LEPR: variants seen among roughly 807,000 people sequenced by gnomAD.
LEPR encodes the protein OB receptor.
LEPR carries 56 observed loss-of-function variants against 114.7 expected under a neutral mutation model. The ratio of observed to expected loss-of-function variants is 0.49; its 90% CI spans 0.39 to 0.61. The LOEUF (loss-of-function observed/expected upper bound fraction) is 0.61. LEPR is among the 20% of genes least tolerant of loss of function. The pLI is 0.00. For synonymous variants in LEPR, 443 were observed against 461.4 expected (o/e 0.96, Z 0.51); for missense variants, 1,202 against 1,352.9 (o/e 0.89, Z 1.75).
chr1:65,434,424 A>G (rs1483138472), intron 2 of LEPR: 2 of 985,294 alleles, frequency 2.0e-6, no homozygotes, highest in Non-Finnish European at 2.4e-6. Context: ...AAATAATCTT[A>G]TGAAGGGATT....
intron 19 of LEPR, among the ~76,000 whole-genome samples, chr1:65,632,842 C>T (rs1255599504): frequency 2.0e-5 from 3 of 151,874 alleles, no homozygotes; most frequent in Non-Finnish European, 4.4e-5. Flanking sequence ...GGTTCTCCCT[C>T]TTTAAATTTT....
chr1:65,468,528 C>A (rs1647043696), intron 2 of LEPR, among the ~76,000 whole-genome samples: 1 of 152,046 alleles, frequency 6.6e-6, no homozygotes, highest in Non-Finnish European at 1.5e-5. Context: ...GTTTTGTAAC[C>A]TTGGAAAAAA....
chr1:65,474,489 A>C (rs918344973), intron 2 of LEPR, among the ~76,000 whole-genome samples: 4 of 152,242 alleles, frequency 2.6e-5, no homozygotes, highest in Non-Finnish European at 5.9e-5. Flanking sequence ...TCTGGTCACT[A>C]TCTAAGTAGC....
At chr1:65,559,862 G>A (rs1653171243) in intron 2 of LEPR, among the ~76,000 whole-genome samples, 1 of 132,232 alleles carries the variant, frequency 7.6e-6, no homozygotes, top group East Asian at 2.1e-4. Flanking sequence ...GATAGTTGTA[G>A]GTATGCGGCA....
At chr1:65,547,441 C>T (rs1043487840) in intron 2 of LEPR, among the ~76,000 whole-genome samples, 13 of 151,236 alleles carry the variant, frequency 8.6e-5, no homozygotes, top group South Asian at 8.3e-4. Flanking sequence ...TGGTCCTGGA[C>T]TCTTTTTGGT....
chr1:65,470,876 G>A (rs1220819417), intron 2 of LEPR, among the ~76,000 whole-genome samples: 1 of 152,198 alleles, frequency 6.6e-6, no homozygotes, highest in African/African-American at 2.4e-5. Context: ...GGAATTATCT[G>A]AAGTTAAGTG....
Position 65,592,862 on chromosome 1 carries a change from A to G in LEPR, c.700A>G (p.Met234Val). The G allele has an allele frequency of 6.2e-7, 1 of 1,612,972 alleles. No individual in the cohort carries two copies. The highest frequency in any genetic ancestry group is 8.5e-7 in the Non-Finnish European group (1 of 1,179,184). The change falls in exon 6 of 20, where the codon ATG becomes GTG. Residue 234 changes from methionine to valine, a missense_variant. Physicochemically the swap from Met to Val is conservative, Grantham distance 21 (BLOSUM62 1). Coordinates refer to ENST00000349533, the MANE Select transcript of LEPR (RefSeq NM_002303.6). ...SPLMSVQPIN[M>V]VKPDPPLGLH... ...TCTAATGTCAGTTCAGCCCATAAAT[A>G]TGGGTAAGTTATGCACTAAAATGAT... is the stretch of plus-strand genomic sequence containing the variant.
chr1:65,429,152 A>G (rs760600598), intron 2 of LEPR, among the ~76,000 whole-genome samples: 5 of 152,198 alleles, frequency 3.3e-5, no homozygotes, highest in East Asian at 1.9e-4. Context: ...CCTGGGGTAC[A>G]TTAGAATAGA....
intron 2 of LEPR, among the ~76,000 whole-genome samples, chr1:65,556,832 A>T (rs1344138876): frequency 6.6e-6 from 1 of 152,088 alleles, no homozygotes; most frequent in African/African-American, 2.4e-5. Context: ...CAGGACTTGG[A>T]CTTTTACTAC....
intron 2 of LEPR, among the ~76,000 whole-genome samples, chr1:65,496,743 A>G (rs1648180169): frequency 6.6e-6 from 1 of 152,162 alleles, no homozygotes; most frequent in African/African-American, 2.4e-5. Flanking sequence ...ATCTGCTTAA[A>G]TACTTCCAGT....
At chr1:65,504,171 A>G (rs1648605420) in intron 2 of LEPR, among the ~76,000 whole-genome samples, 1 of 152,230 alleles carries the variant, frequency 6.6e-6, no homozygotes, top group South Asian at 2.1e-4. Context: ...GTCTACACTG[A>G]CATAAATAAA....
At position 65,479,426 on chromosome 1, in the gene LEPR, C is replaced by T. The variant is rs1269155476; in HGVS notation, c.-21+54048C>T. Reference sequence around the variant, plus strand: ...CTTCCCCTTTGTACAGGTGAGGAAACCGAGAGAGGCAGAGAGGTTAATAAA... The same window carrying T: ...CTTCCCCTTTGTACAGGTGAGGAAATCGAGAGAGGCAGAGAGGTTAATAAA... On this transcript the variant is annotated intron_variant, in intron 2 of 19. Transcript: ENST00000349533. 2.0e-5 allele frequency among the ~76,000 whole-genome samples: 3 copies of T among 151,980 alleles called. 1 individual carries two copies. In the East Asian group the frequency reaches 5.8e-4, roughly 29 times the overall value.
At chr1:65,593,411 A>G (rs1173422809) in intron 6 of LEPR, among the ~76,000 whole-genome samples, 1 of 152,074 alleles carries the variant, frequency 6.6e-6, no homozygotes, top group Admixed American at 6.6e-5. Flanking sequence ...TCTTTGTGCA[A>G]AGATCCCCCA....
chr1:65,518,907 T>TTCTTTCTTTCTTTCTTTCTC (rs1557636310), intron 2 of LEPR, among the ~76,000 whole-genome samples: 2 of 119,230 alleles, frequency 1.7e-5, no homozygotes, highest in African/African-American at 7.5e-5. Flanking sequence ...CTTTCTTTCT[T>TTCTTTCTTTCTTTCTTTCTC]TCTTTCTTTC....
At chr1:65,550,490 TTTTG>T (rs1268713255) in intron 2 of LEPR, among the ~76,000 whole-genome samples, 2 of 152,172 alleles carry the variant, frequency 1.3e-5, no homozygotes, top group Non-Finnish European at 2.9e-5. Flanking sequence ...TTCCTGGCTG[TTTTG>T]TTTACCTAAG....
intron 19 of LEPR, among the ~76,000 whole-genome samples, chr1:65,627,791 A>G (rs1658305397): frequency 6.6e-6 from 1 of 152,210 alleles, no homozygotes; most frequent in African/African-American, 2.4e-5. Context: ...TGTTTTTAAA[A>G]ATAATTCAAA....
Position 65,598,759 on chromosome 1 carries a change from G to A in LEPR, c.949G>A (p.Gly317Arg). Residue 317 changes from glycine (G) to arginine (R), a missense_variant, in exon 8 of 20, where the codon GGA becomes AGA. Coordinates refer to ENST00000349533, the MANE Select transcript of LEPR (RefSeq NM_002303.6). ...QVRGKRLDGP[G>R]IWSDWSTPRV... ...GAGGGGCAAGAGACTGGATGGCCCA[G>A]GAATCTGGAGTGACTGGAGTACTCC... 1 of 1,613,472 alleles carries A rather than the reference G, an allele frequency of 6.2e-7. No individual in the cohort carries two copies. Among genetic ancestry groups the A allele is most frequent in the South Asian group, 1.1e-5 (1 of 91,064 alleles).
At position 65,460,713 on chromosome 1, in the gene LEPR, C is replaced by T. The variant is rs146499969; in HGVS notation, c.-21+35335C>T. ...CTCTACTAAAAATACAAAAATTAGC[C>T]GGGCTTGGTGGTGTGCACCTGTAGT... On this transcript the variant is annotated intron_variant, in intron 2 of 19. Transcript: ENST00000349533. Among the ~76,000 whole-genome samples, 255 of 151,858 alleles carry T rather than the reference C, an allele frequency of 1.7e-3. No individual in the cohort carries two copies. The East Asian group carries it at 0.034, about 20-fold the overall frequency.
intron 2 of LEPR, among the ~76,000 whole-genome samples, chr1:65,451,062 G>A (rs1646778348): frequency 6.6e-6 from 1 of 151,234 alleles, no homozygotes; most frequent in Non-Finnish European, 1.5e-5. Flanking sequence ...TTTTTTGGCT[G>A]CATAAATGTC....
Sources: allele counts gnomAD v4.1 joint callset (sites outside exome capture counted in the v4.1 genomes callset), GRCh38; gene constraint gnomAD v4.1.1; transcripts MANE v1.5; gene names NCBI Gene and HGNC (gene_info 2026-07-23, HGNC 2026-07-21).